The following PITPNC1 variants were observed in gnomAD, a reference collection of about 807,000 sequenced individuals.
PITPNC1 encodes the protein phosphatidylinositol transfer protein cytoplasmic 1.
A neutral mutation model predicts 44.7 loss-of-function variants in PITPNC1; 18 were observed. The ratio of observed to expected loss-of-function variants is 0.40; its 90% CI spans 0.28 to 0.60. The LOEUF (loss-of-function observed/expected upper bound fraction) is 0.60, where lower values mean the gene tolerates loss of function less well. Among genes scored for constraint, PITPNC1 ranks in the 20% least tolerant of loss-of-function variants. The pLI is 0.39. For synonymous variants in PITPNC1, 141 were observed against 149.6 expected (o/e 0.94, Z 0.42); for missense variants, 290 against 418.4 (o/e 0.69, Z 2.68).
chr17:67,669,706 CTG>C, intron 7 of PITPNC1, 43 bp downstream of exon 7: 3 of 1,436,994 alleles, frequency 2.1e-6, no homozygotes, highest in Non-Finnish European at 1.9e-6. Context: ...GACAAGGTAA[CTG>C]TCTATATTGC....
intron 1 of PITPNC1, among the ~76,000 whole-genome samples, chr17:67,469,287 T>C (rs552932492): frequency 1.3e-5 from 2 of 152,292 alleles, no homozygotes; most frequent in East Asian, 3.9e-4. Context: ...GCCCCACTGC[T>C]GCAGCCTGTG....
At chr17:67,645,974 A>C (rs1449628958) in intron 6 of PITPNC1, among the ~76,000 whole-genome samples, 2 of 152,148 alleles carry the variant, frequency 1.3e-5, no homozygotes, top group African/African-American at 4.8e-5. Flanking sequence ...AAAATACAAA[A>C]ATTAGACAGG....
intron 5 of PITPNC1, among the ~76,000 whole-genome samples, chr17:67,589,325 C>A (rs2041360116): frequency 6.6e-6 from 1 of 152,206 alleles, no homozygotes; most frequent in Admixed American, 6.5e-5. Context: ...GAAGCTAGAA[C>A]TTACCGCGGA....
At chr17:67,595,199 A>G (rs1598864575) in intron 5 of PITPNC1, among the ~76,000 whole-genome samples, 1 of 152,242 alleles carries the variant, frequency 6.6e-6, no homozygotes, top group Admixed American at 6.5e-5. Context: ...GAATTCTGCC[A>G]AAGTCAAGTC....
At chr17:67,409,794 T>TCCC (rs965447205) in intron 1 of PITPNC1, among the ~76,000 whole-genome samples, 4 of 152,204 alleles carry the variant, frequency 2.6e-5, no homozygotes, top group Admixed American at 6.5e-5. Context: ...CACCTTGGCC[T>TCCC]CCCAAAGTGC....
At chr17:67,571,129 C>G (rs967994227) in intron 4 of PITPNC1, among the ~76,000 whole-genome samples, 4 of 152,190 alleles carry the variant, frequency 2.6e-5, no homozygotes, top group Non-Finnish European at 4.4e-5. Flanking sequence ...ACAAATTTAG[C>G]AACTTAAAAC....
At chr17:67,423,813 G>T (rs763676967) in intron 1 of PITPNC1, among the ~76,000 whole-genome samples, 6 of 152,136 alleles carry the variant, frequency 3.9e-5, no homozygotes, top group Non-Finnish European at 8.8e-5. Flanking sequence ...GGAATATGTG[G>T]CCCAGGTCCC....
chr17:67,454,860 C>T (rs979322451), intron 1 of PITPNC1, among the ~76,000 whole-genome samples: 12 of 149,558 alleles, frequency 8.0e-5, no homozygotes, highest in Non-Finnish European at 1.6e-4. Flanking sequence ...CACTGTGTCA[C>T]CCAGGCTGGA....
intron 5 of PITPNC1, among the ~76,000 whole-genome samples, chr17:67,608,409 T>C (rs569981897): frequency 9.7e-4 from 148 of 152,156 alleles, no homozygotes; most frequent in African/African-American, 3.5e-3. Context: ...ACATTCATGA[T>C]TCATGTTCCA....
chr17:67,378,075 C>A lies in PITPNC1; in HGVS notation c.-80C>A. The A allele has an allele frequency of 2.1e-6, 2 of 965,264 alleles. No homozygotes were observed. The highest frequency in any genetic ancestry group is 2.9e-6 in the Non-Finnish European group (2 of 684,994). The allele number at this position is 965,264 out of a possible 1,614,324, so 59.8% of individuals were successfully genotyped here. Reference sequence around the variant, plus strand: ...CGAGCGCCGGGCTCCGGGCGCCCTGCCCTGCGCCTGGGCAGCAGCCTTGCT... The same window carrying A: ...CGAGCGCCGGGCTCCGGGCGCCCTGACCTGCGCCTGGGCAGCAGCCTTGCT... On this transcript the variant is annotated 5_prime_UTR_variant, in exon 1 of 9. Coordinates refer to ENST00000581322, the MANE Select transcript of PITPNC1 (RefSeq NM_012417.4).
intron 5 of PITPNC1, among the ~76,000 whole-genome samples, chr17:67,609,288 CTTTTTTTTTT>C (rs34987217): frequency 7.9e-5 from 9 of 114,304 alleles, no homozygotes; most frequent in African/African-American, 3.4e-4. Context: ...CTTCTTCTTC[CTTTTTTTTTT>C]TTTTTTTTTG....
intron 1 of PITPNC1, among the ~76,000 whole-genome samples, chr17:67,419,969 A>G (rs1214561741): frequency 6.6e-6 from 1 of 152,048 alleles, no homozygotes; most frequent in Non-Finnish European, 1.5e-5. Context: ...TTTCAAAACC[A>G]TCCACATCTG....
chr17:67,381,384 T>C (rs1294006939), intron 1 of PITPNC1, among the ~76,000 whole-genome samples: 1 of 148,932 alleles, frequency 6.7e-6, no homozygotes, highest in Admixed American at 6.7e-5. Context: ...GCGCCCGGCC[T>C]GGGAGCCTAA....
intron 8 of PITPNC1, among the ~76,000 whole-genome samples, chr17:67,686,392 G>A (rs1356489033): frequency 6.6e-6 from 1 of 151,552 alleles, no homozygotes; most frequent in Admixed American, 6.6e-5. Context: ...TGCAGACTTG[G>A]GCCAAAAATC....
At chr17:67,543,892 C>T (rs993413841) in intron 2 of PITPNC1, among the ~76,000 whole-genome samples, 2 of 152,144 alleles carry the variant, frequency 1.3e-5, no homozygotes, top group Admixed American at 6.5e-5. Flanking sequence ...GCTCTGTCAC[C>T]CAGGCAGGAG....
intron 2 of PITPNC1, among the ~76,000 whole-genome samples, chr17:67,547,837 T>C (rs1441204089): frequency 6.6e-6 from 1 of 152,194 alleles, no homozygotes; most frequent in African/African-American, 2.4e-5. Flanking sequence ...CCCCTGAACC[T>C]TCTTATTAAA....
At chr17:67,667,982 A>AAAC (rs1272846668) in intron 6 of PITPNC1, among the ~76,000 whole-genome samples, 1 of 152,184 alleles carries the variant, frequency 6.6e-6, no homozygotes, top group African/African-American at 2.4e-5. Context: ...TCCATCTCAA[A>AAAC]AACAACAACA....
chr17:67,542,841 G>T lies in PITPNC1; in HGVS notation c.198-9416G>T, dbSNP rs1323738219. 2.0e-5 allele frequency among the ~76,000 whole-genome samples: 3 copies of T among 152,186 alleles called. No homozygotes were observed. The East Asian group carries it at 5.8e-4, about 29-fold the overall frequency. On this transcript the variant is annotated intron_variant, in intron 2 of 8. Coordinates refer to ENST00000581322, the MANE Select transcript of PITPNC1 (RefSeq NM_012417.4). Reference sequence around the variant, plus strand: ...GAGGCACTGGAAATATTCAAAGCCTGTGTAATCACAGCCTACTCTCCAGTT... The same window carrying T: ...GAGGCACTGGAAATATTCAAAGCCTTTGTAATCACAGCCTACTCTCCAGTT...
chr17:67,646,716 A>G (rs2042154177), intron 6 of PITPNC1, among the ~76,000 whole-genome samples: 1 of 151,996 alleles, frequency 6.6e-6, no homozygotes. Context: ...GTGTGTCGTG[A>G]TGGGGATCTT....
Sources: gnomAD v4.1 joint callset for allele counts (sites outside exome capture counted in the v4.1 genomes callset) on GRCh38, gnomAD v4.1.1 for gene constraint, MANE v1.5 for transcripts, NCBI Gene and HGNC (gene_info 2026-07-23, HGNC 2026-07-21) for gene names.